ZNF761: variants seen among roughly 807,000 people sequenced by gnomAD.
The protein encoded by ZNF761 is zinc finger protein 761.
Under a neutral mutation model 59.9 loss-of-function variants are expected in ZNF761, and 43 were observed. The observed-to-expected ratio is 0.72, with a 90% CI of 0.56 to 0.92. The LOEUF (loss-of-function observed/expected upper bound fraction) is 0.92, where lower values mean the gene tolerates loss of function less well. Ranked by LOEUF, ZNF761 falls within the 40% of genes least tolerant of loss-of-function variation. The pLI, the probability that ZNF761 is intolerant of heterozygous loss-of-function variation, is 0.00. For synonymous variants in ZNF761, 294 were observed against 304.8 expected (o/e 0.96, Z 0.37); for missense variants, 850 against 906.1 (o/e 0.94, Z 0.79).
At chr19:53,450,787 A>G (rs2086214933) in intron 4 of ZNF761, among the ~76,000 whole-genome samples, 1 of 152,122 alleles carries the variant, frequency 6.6e-6, no homozygotes, top group Non-Finnish European at 1.5e-5. Flanking sequence ...ACCTGAGGTC[A>G]GGAGTTCAAA....
At position 53,455,789 on chromosome 19, in the gene ZNF761, C is replaced by T. The variant is rs150752037; in HGVS notation, c.1282C>T (p.His428Tyr). 2.5e-5 allele frequency: 40 copies of T among 1,613,714 alleles called. No individual in the cohort carries two copies. The highest frequency in any genetic ancestry group is 3.2e-5 in the Non-Finnish European group (38 of 1,179,986). The change falls in exon 5 of 5, where the codon CAT becomes TAT. Residue 428 changes from histidine (H) to tyrosine (Y), a missense_variant. By Grantham distance (83) the His-to-Tyr change is moderately conservative (BLOSUM62 2). Transcript: ENST00000684525. ...AYSFRSNFEI[H>Y]RKIHTEDNAY... ...CAGTTTCAGATCAAATTTTGAAATACATCGGAAAATTCATACTGAAGACAA... is the reference window on the plus strand; with the variant it reads ...CAGTTTCAGATCAAATTTTGAAATATATCGGAAAATTCATACTGAAGACAA...
intron 1 of ZNF761, among the ~76,000 whole-genome samples, chr19:53,435,886 T>C (rs2086037067): frequency 6.6e-6 from 1 of 152,172 alleles, no homozygotes; most frequent in African/African-American, 2.4e-5. Flanking sequence ...ACTACTAGTC[T>C]TAAGATTTCT....
intron 4 of ZNF761, among the ~76,000 whole-genome samples, chr19:53,451,869 G>C (rs1471036366): frequency 6.6e-6 from 1 of 151,664 alleles, no homozygotes; most frequent in African/African-American, 2.4e-5. Context: ...TTACAGGTGT[G>C]AACCACCATG....
At chr19:53,445,729 T>C (rs1226525954) in intron 1 of ZNF761, among the ~76,000 whole-genome samples, 2 of 151,830 alleles carry the variant, frequency 1.3e-5, no homozygotes, top group African/African-American at 4.8e-5. Flanking sequence ...ATGGAAGAAA[T>C]AGAGGTGTAG....
intron 4 of ZNF761, among the ~76,000 whole-genome samples, chr19:53,451,519 T>A (rs769818697): frequency 1.3e-5 from 2 of 152,190 alleles, no homozygotes; most frequent in Non-Finnish European, 2.9e-5. Context: ...TCTGTCTTTT[T>A]ATTTACCTTT....
chr19:53,445,749 C>T (rs137871145), intron 1 of ZNF761, among the ~76,000 whole-genome samples: 4,072 of 152,178 alleles, frequency 0.027, 213 homozygotes, highest in African/African-American at 0.093. Flanking sequence ...GACTCAGACA[C>T]AGAGACCATC....
intron 1 of ZNF761, among the ~76,000 whole-genome samples, chr19:53,445,687 T>C (rs2086150121): frequency 6.6e-6 from 1 of 151,914 alleles, no homozygotes; most frequent in Admixed American, 6.6e-5. Context: ...AAAAATAAAA[T>C]TAAAAAAAAT....
At position 53,457,446 on chromosome 19, in the gene ZNF761, C is replaced by A. The variant is rs1209016665; in HGVS notation, c.*698C>A. 7.4e-6 allele frequency: 3 copies of A among 406,520 alleles called. No homozygotes were observed. Among genetic ancestry groups the A allele is most frequent in the Non-Finnish European group, 1.5e-5 (3 of 204,126 alleles). The allele number at this position is 406,520 out of a possible 1,614,324, so 25.2% of individuals were successfully genotyped here. A position where few individuals can be genotyped will look rare whatever the true frequency, so the allele number is the denominator to read the frequency against. On this transcript the variant is annotated 3_prime_UTR_variant, in exon 5 of 5. Coordinates refer to ENST00000684525, the MANE Select transcript of ZNF761 (RefSeq NM_001289951.2). The stretch of plus-strand genomic sequence containing the variant: ...ATAGTGGCAAAGCCTTCACTTCACA[C>A]CTCATGAGACATCAGAGAATGCATA...
intron 1 of ZNF761, among the ~76,000 whole-genome samples, chr19:53,445,609 G>A (rs1315222850): frequency 6.6e-6 from 1 of 152,108 alleles, no homozygotes; most frequent in Non-Finnish European, 1.5e-5. Flanking sequence ...ATGTCTTGGC[G>A]TGGCCTTTCT....
At chr19:53,435,653 G>A (rs530987537) in intron 1 of ZNF761, among the ~76,000 whole-genome samples, 28 of 151,866 alleles carry the variant, frequency 1.8e-4, no homozygotes, top group Non-Finnish European at 3.7e-4. Flanking sequence ...TAATAAGTAT[G>A]GTGCAGTAGA....
At chr19:53,454,591 T>G in intron 4 of ZNF761, 59 bp from the exon 5 acceptor site, 1 of 1,491,432 alleles carries the variant, frequency 6.7e-7, no homozygotes, top group East Asian at 2.3e-5. Context: ...ATTTACACAT[T>G]TCAGCATTAT....
At chr19:53,439,758 C>T (rs1274506698) in intron 1 of ZNF761, among the ~76,000 whole-genome samples, 1 of 152,080 alleles carries the variant, frequency 6.6e-6, no homozygotes, top group Non-Finnish European at 1.5e-5. Context: ...CTGGCAAAAG[C>T]AGAGTGTTCT....
At chr19:53,450,116 A>C (rs976439498) in intron 4 of ZNF761, 54 of 269,470 alleles carry the variant, frequency 2.0e-4, no homozygotes, top group Admixed American at 3.1e-4. Context: ...CAGCCCGGCC[A>C]ACATGGTGAA....
At position 53,432,872 on chromosome 19, in the gene ZNF761, C is replaced by CAGAG. The variant is rs57277831; in HGVS notation, c.-185+846_-185+847insAGAG. Among the ~76,000 whole-genome samples the CAGAG allele has an allele frequency of 8.5e-3, 1,281 of 151,592 alleles. 12 individuals carry two copies. Among genetic ancestry groups the CAGAG allele is most frequent in the African/African-American group, 0.029 (1,208 of 41,158 alleles). Reference sequence around the variant, plus strand: ...GCTGGATGTACAGAGAGATGAAGGACAGCAAGGTAGGGAGAGGGACAGCAA... The same window carrying CAGAG: ...GCTGGATGTACAGAGAGATGAAGGACAGAGAGCAAGGTAGGGAGAGGGACAGCAA... On this transcript the variant is annotated intron_variant, in intron 1 of 4. Transcript: ENST00000684525.
chr19:53,447,315 C>T, intron 3 of ZNF761, 32 bp downstream of exon 3: 3 of 1,611,376 alleles, frequency 1.9e-6, no homozygotes, highest in South Asian at 2.2e-5. Context: ...ATTGTTCTGT[C>T]TCCTTCCTTT....
rs897448683 is a variant in ZNF761, at chr19:53,439,166, G to A, written c.-184-7061G>A. Among the ~76,000 whole-genome samples the A allele has an allele frequency of 2.0e-5, 3 of 151,730 alleles. No individual in the cohort carries two copies. In the East Asian group the frequency reaches 5.9e-4, roughly 30 times the overall value. On this transcript the variant is annotated intron_variant, in intron 1 of 4. Transcript: ENST00000684525. ...GGCGCCTGTAATCCCAGCTACCCAG[G>A]AGGCAAAGGCAGGAGAATTGCTTGA...
At chr19:53,438,508 G>T (rs1164984187) in intron 1 of ZNF761, among the ~76,000 whole-genome samples, 1 of 152,142 alleles carries the variant, frequency 6.6e-6, no homozygotes, top group Non-Finnish European at 1.5e-5. Context: ...TAAGGCTGGG[G>T]CCTGGGTTAA....
intron 1 of ZNF761, chr19:53,442,561 C>G: frequency 1.5e-6 from 1 of 675,026 alleles, no homozygotes; most frequent in East Asian, 2.5e-5. Context: ...CACCTCTGTA[C>G]ACAAAGGATG....
At chr19:53,435,358 G>A (rs538996110) in intron 1 of ZNF761, among the ~76,000 whole-genome samples, 17 of 124,700 alleles carry the variant, frequency 1.4e-4, no homozygotes, top group Non-Finnish European at 2.2e-4. Context: ...AGTCTGGAGT[G>A]CAATGGCATG....
Sources: allele counts gnomAD v4.1 joint callset (sites outside exome capture counted in the v4.1 genomes callset), GRCh38; gene constraint gnomAD v4.1.1; transcripts MANE v1.5; gene names NCBI Gene and HGNC (gene_info 2026-07-23, HGNC 2026-07-21).